The following ST7 variants were observed in gnomAD, a reference collection of about 807,000 sequenced individuals.
ST7 encodes the protein suppression of tumorigenicity 7.
Under a neutral mutation model 78.7 loss-of-function variants are expected in ST7, and 28 were observed. The ratio of observed to expected loss-of-function variants is 0.36; its 90% CI spans 0.26 to 0.49. The LOEUF is 0.49. Among genes scored for constraint, ST7 ranks in the 20% least tolerant of loss-of-function variants. The pLI is 0.99. For missense variants in ST7, 418 were observed against 696.0 expected (o/e 0.60, Z 4.49); for synonymous variants, 247 against 249.6 (o/e 0.99, Z 0.10).
chr7:117,114,643 G>A (rs939738095), intron 2 of ST7, among the ~76,000 whole-genome samples: 1 of 152,184 alleles, frequency 6.6e-6, no homozygotes, highest in Admixed American at 6.5e-5. Context: ...TGGTGTTGGT[G>A]TGGAATTACT....
At chr7:116,974,753 C>T (rs956688919) in intron 1 of ST7, among the ~76,000 whole-genome samples, 1 of 152,108 alleles carries the variant, frequency 6.6e-6, no homozygotes, top group African/African-American at 2.4e-5. Flanking sequence ...CTGTTTACTT[C>T]ATTAAATCCT....
chr7:117,031,354 ATG>A lies in ST7; in HGVS notation c.152-68394_152-68393del, dbSNP rs1264685498. On this transcript the variant is annotated intron_variant, in intron 1 of 15. Transcript: ENST00000323984. ...ACATGTACCCCTGAACCTAAAATAAATGTGTGTGTGTGTGTATATGTGTGTAT... is the reference window on the plus strand; with the variant it reads ...ACATGTACCCCTGAACCTAAAATAAATGTGTGTGTGTGTATATGTGTGTAT... Among the ~76,000 whole-genome samples the A allele has an allele frequency of 1.7e-4, 24 of 143,690 alleles. 5 individuals are homozygous for A. Among genetic ancestry groups the A allele is most frequent in the African/African-American group, 3.3e-4 (13 of 39,720 alleles). 94.3% of individuals were successfully genotyped at this position (143,690 alleles called of 152,430 possible).
chr7:117,159,150 C>T (rs773189022), intron 9 of ST7, among the ~76,000 whole-genome samples: 25 of 152,174 alleles, frequency 1.6e-4, no homozygotes, highest in Non-Finnish European at 2.6e-4. Context: ...TGTAAGTCAG[C>T]TGAGAAAAAG....
At chr7:117,169,853 T>G (rs1457222953) in intron 9 of ST7, among the ~76,000 whole-genome samples, 1 of 150,658 alleles carries the variant, frequency 6.6e-6, no homozygotes, top group East Asian at 1.9e-4. Flanking sequence ...TGTGTGGCTG[T>G]TTTTCACTTT....
intron 10 of ST7, among the ~76,000 whole-genome samples, chr7:117,175,768 A>C (rs1431020622): frequency 1.3e-5 from 2 of 152,226 alleles, no homozygotes; most frequent in African/African-American, 4.8e-5. Flanking sequence ...TGTGGGACAC[A>C]CAGTAAGAGT....
intron 1 of ST7, among the ~76,000 whole-genome samples, chr7:117,004,243 G>C (rs1795064229): frequency 6.6e-6 from 1 of 152,106 alleles, no homozygotes; most frequent in Admixed American, 6.5e-5. Context: ...ATGATTTCTT[G>C]GACATTGATA....
chr7:117,183,019 A>G (rs1291496668), intron 10 of ST7, among the ~76,000 whole-genome samples: 1 of 152,208 alleles, frequency 6.6e-6, no homozygotes, highest in Non-Finnish European at 1.5e-5. Context: ...GTGGGGCAGA[A>G]TGATAAAAGG....
At chr7:117,095,526 A>G (rs1800962762) in intron 1 of ST7, among the ~76,000 whole-genome samples, 1 of 152,210 alleles carries the variant, frequency 6.6e-6, no homozygotes, top group Non-Finnish European at 1.5e-5. Context: ...AAGGTTCAGC[A>G]TCTTCAGAAC....
At chr7:117,210,174 A>T (rs1792166434) in intron 13 of ST7, among the ~76,000 whole-genome samples, 1 of 152,170 alleles carries the variant, frequency 6.6e-6, no homozygotes, top group Non-Finnish European at 1.5e-5. Context: ...AGATGGGGTG[A>T]ACCCAGATGT....
intron 1 of ST7, among the ~76,000 whole-genome samples, chr7:116,993,918 C>T (rs1360658237): frequency 6.6e-6 from 1 of 152,148 alleles, no homozygotes; most frequent in Non-Finnish European, 1.5e-5. Context: ...AGCAGAAATA[C>T]TAAAAGAATT....
intron 1 of ST7, among the ~76,000 whole-genome samples, chr7:117,019,842 A>G (rs1266910037): frequency 6.6e-6 from 1 of 152,220 alleles, no homozygotes; most frequent in Non-Finnish European, 1.5e-5. Context: ...GAAGATAACA[A>G]TGAACTCTTC....
At chr7:117,176,058 T>A (rs1302485627) in intron 10 of ST7, among the ~76,000 whole-genome samples, 1 of 152,160 alleles carries the variant, frequency 6.6e-6, no homozygotes, top group Non-Finnish European at 1.5e-5. Flanking sequence ...TTTTTACTCC[T>A]GATCAAAGGA....
chr7:117,228,693 CT>C (rs1200831474), intron 15 of ST7, among the ~76,000 whole-genome samples: 2 of 152,198 alleles, frequency 1.3e-5, no homozygotes, highest in African/African-American at 4.8e-5. Context: ...CCTGATTTAA[CT>C]TTATTAAATA....
chr7:117,098,232 T>C (rs932911806), intron 1 of ST7, among the ~76,000 whole-genome samples: 8 of 151,716 alleles, frequency 5.3e-5, no homozygotes, highest in African/African-American at 1.9e-4. Flanking sequence ...TCTTTGTTGC[T>C]CAGTCTCCTA....
intron 1 of ST7, among the ~76,000 whole-genome samples, chr7:117,049,386 T>A (rs138814765): frequency 2.0e-5 from 3 of 152,368 alleles, no homozygotes; most frequent in African/African-American, 7.2e-5. Context: ...TGGCAGAAGC[T>A]GCATCTCCTG....
At chr7:116,999,113 C>T (rs1182528884) in intron 1 of ST7, among the ~76,000 whole-genome samples, 1 of 152,202 alleles carries the variant, frequency 6.6e-6, no homozygotes, top group Admixed American at 6.5e-5. Context: ...GTGGTTGGAA[C>T]TCAGACATGC....
intron 3 of ST7, among the ~76,000 whole-genome samples, chr7:117,121,534 G>C (rs1803363333): frequency 6.6e-6 from 1 of 152,114 alleles, no homozygotes; most frequent in Non-Finnish European, 1.5e-5. Flanking sequence ...AATGTGGATG[G>C]GTTATTCTAG....
intron 1 of ST7, among the ~76,000 whole-genome samples, chr7:117,083,082 G>A (rs1344349327): frequency 5.3e-5 from 8 of 151,810 alleles, no homozygotes; most frequent in African/African-American, 9.7e-5. Flanking sequence ...ATGTTGAGAC[G>A]GAGTTTTGCT....
In ST7 at chr7:117,049,706, A is replaced by T. The variant is rs565055769; in HGVS notation, c.152-50056A>T. 5.9e-5 allele frequency among the ~76,000 whole-genome samples: 9 copies of T among 152,322 alleles called. No individual in the cohort carries two copies. In the South Asian group the frequency reaches 1.9e-3, roughly 32 times the overall value. On this transcript the variant is annotated intron_variant, in intron 1 of 15. Coordinates refer to ENST00000323984, the MANE Select transcript of ST7 (RefSeq NM_001369598.1). ...ATTTTGTTTTCTTTGTTTTACAATG[A>T]TTCTTACTCCAGATTCATGTATCTC...
Sources: gnomAD v4.1 joint callset for allele counts (sites outside exome capture counted in the v4.1 genomes callset) on GRCh38, gnomAD v4.1.1 for gene constraint, MANE v1.5 for transcripts, NCBI Gene and HGNC (gene_info 2026-07-23, HGNC 2026-07-21) for gene names.